Variants in PRKCB observed in about 807,000 individuals in gnomAD.
PRKCB encodes protein kinase C beta.
In PRKCB, 13 loss-of-function variants were observed where a neutral mutation model predicts 81.5. The observed-to-expected ratio is 0.16, with a 90% CI of 0.10 to 0.25. The LOEUF is 0.25. Ranked by LOEUF, PRKCB falls within the 10% of genes least tolerant of loss-of-function variation. PRKCB has a pLI of 1.00. For missense variants in PRKCB, 509 were observed against 875.7 expected (o/e 0.58, Z 5.29); for synonymous variants, 335 against 321.4 (o/e 1.04, Z -0.45).
chr16:24,147,384 G>C (rs1967009969), intron 9 of PRKCB, among the ~76,000 whole-genome samples: 2 of 151,910 alleles, frequency 1.3e-5, no homozygotes, highest in African/African-American at 4.8e-5. Context: ...GCAGGGCCGT[G>C]TTTGTCCTGC....
chr16:24,015,681 G>A (rs566097965), intron 3 of PRKCB, among the ~76,000 whole-genome samples: 25 of 152,314 alleles, frequency 1.6e-4, no homozygotes, highest in Admixed American at 1.1e-3. Context: ...CTATCCAGCC[G>A]ACACTCTCCT....
chr16:24,053,579 A>C (rs1965867414), intron 5 of PRKCB, among the ~76,000 whole-genome samples: 1 of 152,074 alleles, frequency 6.6e-6, no homozygotes, highest in Non-Finnish European at 1.5e-5. Flanking sequence ...AAAACGGAAA[A>C]AGAGGATGGG....
At chr16:24,113,797 G>T (rs1464240286) in intron 8 of PRKCB, among the ~76,000 whole-genome samples, 1 of 152,046 alleles carries the variant, frequency 6.6e-6, no homozygotes, top group Non-Finnish European at 1.5e-5. Flanking sequence ...AAATGCCCTT[G>T]CCTTATGAAG....
intron 5 of PRKCB, among the ~76,000 whole-genome samples, chr16:24,084,445 TA>T (rs1966288644): frequency 6.6e-6 from 1 of 152,120 alleles, no homozygotes; most frequent in Admixed American, 6.5e-5. Context: ...AGAAGGGCTT[TA>T]AAAACACACT....
At chr16:24,078,375 C>G (rs1249240662) in intron 5 of PRKCB, among the ~76,000 whole-genome samples, 1 of 152,198 alleles carries the variant, frequency 6.6e-6, no homozygotes, top group Non-Finnish European at 1.5e-5. Context: ...TGGTAAACCT[C>G]GTCTGTCCTT....
intron 9 of PRKCB, among the ~76,000 whole-genome samples, chr16:24,132,756 G>A (rs1462825289): frequency 6.9e-6 from 1 of 145,894 alleles, no homozygotes; most frequent in Admixed American, 6.9e-5. Flanking sequence ...TGATTTAGAT[G>A]TGTATGATTT....
At chr16:24,022,648 C>A (rs190366515) in intron 3 of PRKCB, among the ~76,000 whole-genome samples, 1 of 152,040 alleles carries the variant, frequency 6.6e-6, no homozygotes, top group Admixed American at 6.6e-5. Flanking sequence ...CATGCCGCCA[C>A]GCCCGGCTAA....
intron 3 of PRKCB, among the ~76,000 whole-genome samples, chr16:24,018,039 C>G (rs905319334): frequency 7.9e-5 from 12 of 151,796 alleles, no homozygotes; most frequent in Admixed American, 2.6e-4. Context: ...GCTGGGACTA[C>G]AGGTGCCCGC....
intron 3 of PRKCB, among the ~76,000 whole-genome samples, chr16:24,016,375 A>G (rs1965277707): frequency 6.6e-6 from 1 of 152,018 alleles, no homozygotes; most frequent in African/African-American, 2.4e-5. Context: ...TACCCGGGCT[A>G]AGAGCTGCTG....
chr16:24,073,690 A>G (rs180871429), intron 5 of PRKCB, among the ~76,000 whole-genome samples: 2 of 152,272 alleles, frequency 1.3e-5, no homozygotes, highest in East Asian at 3.9e-4. Context: ...CCCCTAAGCC[A>G]TGTTTTTAAC....
chr16:23,947,338 G>A (rs1259497583), intron 2 of PRKCB, among the ~76,000 whole-genome samples: 1 of 152,212 alleles, frequency 6.6e-6, no homozygotes, highest in Non-Finnish European at 1.5e-5. Flanking sequence ...AAGGCATCTT[G>A]CTCAGTGCAA....
chr16:23,859,986 G>A (rs1379079207), intron 2 of PRKCB, among the ~76,000 whole-genome samples: 14 of 152,096 alleles, frequency 9.2e-5, no homozygotes, highest in Admixed American at 9.2e-4. Context: ...GGGAAAATGG[G>A]TGGGAAATAA....
chr16:24,216,025 C>T lies in PRKCB; in HGVS notation c.*1209C>T, dbSNP rs1470585436. 58 of 983,872 alleles carry T rather than the reference C, an allele frequency of 5.9e-5. No individual in the cohort carries two copies. The highest frequency in any genetic ancestry group is 6.9e-5 in the Non-Finnish European group (57 of 829,278). 60.9% of individuals were successfully genotyped at this position (983,872 alleles called of 1,614,324 possible). On this transcript the variant is annotated 3_prime_UTR_variant, in exon 17 of 17. Coordinates refer to ENST00000643927, the MANE Select transcript of PRKCB (RefSeq NM_002738.7). Reference sequence around the variant, plus strand: ...AAGAAAAGAAGAAGAAATACTATTTCAAGGAAAACTGCTCTTTTTGAGAAA... The same window carrying T: ...AAGAAAAGAAGAAGAAATACTATTTTAAGGAAAACTGCTCTTTTTGAGAAA...
At chr16:24,049,233 C>T (rs919881167) in intron 5 of PRKCB, among the ~76,000 whole-genome samples, 1 of 151,928 alleles carries the variant, frequency 6.6e-6, no homozygotes, top group African/African-American at 2.4e-5. Context: ...CTGTCCCACC[C>T]TGGACCTGCA....
chr16:23,941,493 A>G (rs1964140173), intron 2 of PRKCB, among the ~76,000 whole-genome samples: 3 of 152,238 alleles, frequency 2.0e-5, no homozygotes. Flanking sequence ...ATAAACACAG[A>G]GAAAACAGTC....
At chr16:23,932,831 T>A (rs1220289172) in intron 2 of PRKCB, among the ~76,000 whole-genome samples, 1 of 152,184 alleles carries the variant, frequency 6.6e-6, no homozygotes, top group Non-Finnish European at 1.5e-5. Flanking sequence ...TGGGGGCTTT[T>A]AGTGGGGTTC....
At position 24,216,208 on chromosome 16, in the gene PRKCB, C is replaced by T; in HGVS notation, c.*1392C>T. On this transcript the variant is annotated 3_prime_UTR_variant, in exon 17 of 17. Coordinates refer to ENST00000643927, the MANE Select transcript of PRKCB (RefSeq NM_002738.7). ...GGTGGGCTGTAGTGGGGTGGGATGA[C>T]CTGGCCAGAGCCAACGAGGATACTG... 3.0e-6 allele frequency: 3 copies of T among 985,420 alleles called. No homozygotes were observed. The highest frequency in any genetic ancestry group is 3.6e-6 in the Non-Finnish European group (3 of 829,976). The allele number at this position is 985,420 out of a possible 1,614,324, so 61.0% of individuals were successfully genotyped here. A position where few individuals can be genotyped will look rare whatever the true frequency, so the allele number is the denominator to read the frequency against.
rs374748091 is a variant in PRKCB, at chr16:24,029,774, T to A, written c.289-2362T>A. ...AAGGAGGCATCTGTGGCAGCATCAA[T>A]AAATACATGTGAATGGATGAATGAA... On this transcript the variant is annotated intron_variant, in intron 3 of 16. Coordinates refer to ENST00000643927, the MANE Select transcript of PRKCB (RefSeq NM_002738.7). 5.2e-4 allele frequency among the ~76,000 whole-genome samples: 79 copies of A among 152,338 alleles called. 1 individual carries two copies. In the Middle Eastern group the frequency reaches 0.014, roughly 26 times the overall value.
At chr16:23,978,599 A>G (rs764291276) in intron 2 of PRKCB, among the ~76,000 whole-genome samples, 1 of 152,214 alleles carries the variant, frequency 6.6e-6, no homozygotes, top group Non-Finnish European at 1.5e-5. Flanking sequence ...TGTAAAATAC[A>G]TCATGGAAAT....
Sources: allele counts gnomAD v4.1 joint callset (sites outside exome capture counted in the v4.1 genomes callset), GRCh38; gene constraint gnomAD v4.1.1; transcripts MANE v1.5; gene names NCBI Gene and HGNC (gene_info 2026-07-23, HGNC 2026-07-21).